Variants in METTL21A observed in about 807,000 individuals in gnomAD.
METTL21A encodes protein N-lysine methyltransferase METTL21A.
Under a neutral mutation model 20.9 loss-of-function variants are expected in METTL21A, and 22 were observed. That is an observed-to-expected ratio of 1.05 (90% CI 0.75 to 1.50). METTL21A has a LOEUF of 1.50. METTL21A is among the 40% of genes most tolerant of loss of function. The probability of loss-of-function intolerance (pLI) is 0.00; values close to 1 mark genes in which losing one functional copy is unlikely to be tolerated. For synonymous variants in METTL21A, 93 were observed against 102.0 expected (o/e 0.91, Z 0.53); for missense variants, 271 against 266.8 (o/e 1.02, Z -0.11).
At chr2:207,581,653 A>G, downstream of METTL21A, 1 of 431,238 alleles carries the variant, frequency 2.3e-6, no homozygotes, top group Non-Finnish European at 4.1e-6. Flanking sequence ...TTAAAAATAC[A>G]GAGTTCCGGA....
intron 3 of METTL21A, chr2:207,598,866 T>C (rs918622320): frequency 6.3e-5 from 11 of 175,760 alleles, no homozygotes; most frequent in Non-Finnish European, 9.8e-5. Flanking sequence ...AAATGTCTCA[T>C]TTGGGAAGGA....
chr2:207,590,100 T>TC (rs1479072370), intron 3 of METTL21A, among the ~76,000 whole-genome samples: 2 of 140,844 alleles, frequency 1.4e-5, no homozygotes, highest in Non-Finnish European at 3.2e-5. Context: ...TTTTTTTTTT[T>TC]TTTTTTTAAT....
chr2:207,617,495 C>T (rs1422421715), intron 3 of METTL21A, among the ~76,000 whole-genome samples: 1 of 152,192 alleles, frequency 6.6e-6, no homozygotes, highest in African/African-American at 2.4e-5. Context: ...CAGGCCAGAG[C>T]AGGATGTGTG....
At chr2:207,624,389 C>T (rs758520283) in exon 2 of METTL21A, 22 of 1,610,916 alleles carry the variant, frequency 1.4e-5, no homozygotes, top group Non-Finnish European at 1.9e-5. Flanking sequence ...GCCTGCACCC[C>T]GCCCTCTGCT....
intron 3 of METTL21A, among the ~76,000 whole-genome samples, chr2:207,603,980 A>G (rs1301775868): frequency 6.6e-6 from 1 of 152,218 alleles, no homozygotes; most frequent in East Asian, 1.9e-4. Flanking sequence ...TATACCTGCC[A>G]TTGTATTGGA....
chr2:207,601,539 C>CT, intron 3 of METTL21A: 1 of 198,398 alleles, frequency 5.0e-6, no homozygotes, highest in Non-Finnish European at 1.0e-5. Flanking sequence ...GAAAATAACT[C>CT]AAGTGCATAA....
At chr2:207,584,083 C>G (rs1325192109) in intron 3 of METTL21A, among the ~76,000 whole-genome samples, 1 of 152,106 alleles carries the variant, frequency 6.6e-6, no homozygotes, top group African/African-American at 2.4e-5. Flanking sequence ...AATTTCATCC[C>G]AGTTATTTCC....
At chr2:207,624,791 C>G (rs2090936824) in intron 1 of METTL21A, 1 of 152,572 alleles carries the variant, frequency 6.6e-6, no homozygotes, top group Non-Finnish European at 1.5e-5. Flanking sequence ...CGGACTGCAG[C>G]TGCAGCCAGC....
At chr2:207,608,486 T>C (rs2088466080), downstream of METTL21A, among the ~76,000 whole-genome samples, 4 of 152,164 alleles carry the variant, frequency 2.6e-5, no homozygotes, top group Non-Finnish European at 5.9e-5. Context: ...CAAATTTTTC[T>C]GATTCTTAAT....
Position 207,590,700 on chromosome 2 carries a change from A to C in METTL21A, c.260-8540T>G, listed in dbSNP as rs144753353. Reference sequence around the variant, plus strand: ...GGCTTTGCAGACCAAATGATCTGTCACAACTACTCAACTCTGCCGTTGTAA... The same window carrying C: ...GGCTTTGCAGACCAAATGATCTGTCCCAACTACTCAACTCTGCCGTTGTAA... On this transcript the variant is annotated intron_variant, in intron 3 of 3. Coordinates refer to the METTL21A transcript ENST00000425132. 2.6e-3 allele frequency among the ~76,000 whole-genome samples: 397 copies of C among 152,266 alleles called. 2 individuals carry two copies. Among genetic ancestry groups the C allele is most frequent in the African/African-American group, 8.6e-3 (359 of 41,554 alleles).
At position 207,603,088 on chromosome 2, in the gene METTL21A, T is replaced by C. The variant is rs115526431; in HGVS notation, c.259+18718A>G. ...CTCTGATGTTTCTATTGGAGTTGAA[T>C]ACTAAATAAATAACTATAATGAGGG... is the stretch of plus-strand genomic sequence containing the variant. On this transcript the variant is annotated intron_variant, in intron 3 of 3. Transcript: ENST00000425132. The C allele has an allele frequency of 2.9e-3, 621 of 211,074 alleles. 6 individuals carry two copies. Among genetic ancestry groups the C allele is most frequent in the African/African-American group, 0.013 (593 of 44,250 alleles). 13.1% of individuals were successfully genotyped at this position (211,074 alleles called of 1,614,324 possible). A position where few individuals can be genotyped will look rare whatever the true frequency, so the allele number is the denominator to read the frequency against.
intron 3 of METTL21A, among the ~76,000 whole-genome samples, chr2:207,595,536 A>T (rs2085978555): frequency 6.6e-6 from 1 of 151,702 alleles, no homozygotes; most frequent in Admixed American, 6.6e-5. Flanking sequence ...CAGCTTCCTG[A>T]GTAGCTGAGA....
intron 3 of METTL21A, among the ~76,000 whole-genome samples, chr2:207,616,849 A>G (rs1483650202): frequency 6.6e-6 from 1 of 152,210 alleles, no homozygotes; most frequent in African/African-American, 2.4e-5. Flanking sequence ...ATCTCAAAAG[A>G]AAAAATAGAG....
intron 3 of METTL21A, among the ~76,000 whole-genome samples, chr2:207,616,325 C>G (rs1035441973): frequency 6.6e-5 from 10 of 152,194 alleles, no homozygotes; most frequent in Non-Finnish European, 1.2e-4. Flanking sequence ...TTCATTTTAC[C>G]AGCTCATAGA....
chr2:207,604,651 T>C (rs1025963495), downstream of METTL21A, among the ~76,000 whole-genome samples: 1 of 152,138 alleles, frequency 6.6e-6, no homozygotes, highest in South Asian at 2.1e-4. Context: ...TAAGTGGTAG[T>C]ACATCCACAA....
intron 3 of METTL21A, chr2:207,598,694 A>C (rs2086573865): frequency 6.1e-6 from 1 of 164,380 alleles, no homozygotes; most frequent in Non-Finnish European, 1.3e-5. Context: ...TAAAAATACA[A>C]AAATTAGCCA....
At chr2:207,609,487 G>C (rs976503135), downstream of METTL21A, 1 of 152,130 alleles carries the variant, frequency 6.6e-6, no homozygotes, top group Non-Finnish European at 1.5e-5. Flanking sequence ...AAGGTACTGG[G>C]GAAGCAACAA....
At chr2:207,580,688 A>G (rs2082857066), downstream of METTL21A, 1 of 221,592 alleles carries the variant, frequency 4.5e-6, no homozygotes, top group East Asian at 6.6e-5. Flanking sequence ...TAAACATTCT[A>G]AAAGAAAGTG....
chr2:207,604,905 A>G (rs1008946165), downstream of METTL21A, among the ~76,000 whole-genome samples: 7 of 152,152 alleles, frequency 4.6e-5, no homozygotes, highest in Non-Finnish European at 7.3e-5. Context: ...TCACTACTTC[A>G]TTCCTTTTTA....
Sources: gnomAD v4.1 joint callset for allele counts (sites outside exome capture counted in the v4.1 genomes callset) on GRCh38, gnomAD v4.1.1 for gene constraint, MANE v1.5 for transcripts, NCBI Gene and HGNC (gene_info 2026-07-23, HGNC 2026-07-21) for gene names.